Variants in SLC25A53 observed in about 807,000 individuals in gnomAD.
SLC25A53 encodes mitochondrial carrier triple repeat protein 6.
SLC25A53 carries 5 observed loss-of-function variants against 15.0 expected under a neutral mutation model. The observed-to-expected ratio is 0.33, with a 90% confidence interval of 0.17 to 0.70. The LOEUF is 0.70. Ranked by LOEUF, SLC25A53 falls within the 30% of genes least tolerant of loss-of-function variation. The pLI is 0.67. For missense variants in SLC25A53, 216 were observed against 241.6 expected, an observed-to-expected ratio of 0.89 and a Z score of 0.70; for synonymous variants, 95 against 100.0, an observed-to-expected ratio of 0.95 and a Z score of 0.30.
intron 1 of SLC25A53, among the ~76,000 whole-genome samples, chrX:104,129,280 A>G (rs887002707): frequency 9.0e-6 from 1 of 111,511 alleles, no homozygotes; most frequent in African/African-American, 3.3e-5. Flanking sequence ...AGCCTTTCCT[A>G]TTCCTTTTTC....
chrX:104,144,432 A>C (rs1414124152), intron 1 of SLC25A53, among the ~76,000 whole-genome samples: 2 of 111,421 alleles, frequency 1.8e-5, no homozygotes, highest in Non-Finnish European at 3.8e-5. Flanking sequence ...AAGCAAAAAA[A>C]AGCAGGGGTT....
chrX:104,154,382 G>A (rs1556370998), intron 1 of SLC25A53, among the ~76,000 whole-genome samples: 1 of 112,237 alleles, frequency 8.9e-6, no homozygotes, highest in African/African-American at 3.2e-5. Flanking sequence ...CATTGTTGGT[G>A]GGAATATAAA....
chrX:104,136,920 A>T (rs943682328), intron 1 of SLC25A53, among the ~76,000 whole-genome samples: 3 of 112,170 alleles, frequency 2.7e-5, no homozygotes, highest in Admixed American at 9.5e-5. Flanking sequence ...CCATGTAAAG[A>T]ATTAAACATG....
intron 1 of SLC25A53, among the ~76,000 whole-genome samples, chrX:104,144,581 C>T (rs782819033): frequency 3.0e-4 from 34 of 111,679 alleles, no homozygotes; most frequent in African/African-American, 1.0e-3. Context: ...TGTTCCTATT[C>T]GGCCATCTTG....
intron 1 of SLC25A53, among the ~76,000 whole-genome samples, chrX:104,126,181 T>C (rs782682424): frequency 4.7e-4 from 52 of 110,724 alleles, no homozygotes; most frequent in Non-Finnish European, 8.3e-4. Flanking sequence ...TGGTGGCACA[T>C]GCCTGCAGTC....
In SLC25A53 at chrX:104,103,514, G is replaced by A. The variant is rs2075290648; in HGVS notation, c.*820C>T. On this transcript the variant is annotated 3_prime_UTR_variant, in exon 2 of 2. Transcript: ENST00000594199. ...ACATTTAACCACATCAACAAAATAT[G>A]CAATTTTCTGTGAAGAGATATGGTC... 9.0e-6 allele frequency: 1 copy of A among 111,618 alleles called. No individual in the cohort carries two copies. Among genetic ancestry groups the A allele is most frequent in the Non-Finnish European group, 1.9e-5 (1 of 53,204 alleles). The allele number at this position is 111,618 out of a possible 1,213,427, so 9.2% of individuals were successfully genotyped here. A position where few individuals can be genotyped will look rare whatever the true frequency, so the allele number is the denominator to read the frequency against.
chrX:104,138,570 A>G (rs782028072), intron 1 of SLC25A53, among the ~76,000 whole-genome samples: 8 of 112,663 alleles, frequency 7.1e-5, no homozygotes, highest in African/African-American at 9.7e-5. Context: ...TGTTAGCTCA[A>G]TTCGACCCCT....
At chrX:104,106,305 GA>G (rs782131146) in intron 1 of SLC25A53, among the ~76,000 whole-genome samples, 31 of 110,764 alleles carry the variant, frequency 2.8e-4, no homozygotes, top group Non-Finnish European at 4.4e-4. Flanking sequence ...GGGATCTAAA[GA>G]AAAAAAATGA....
rs1291634645 is a variant in SLC25A53, at chrX:104,154,634, T to A, written c.-32+2244A>T. Among the ~76,000 whole-genome samples, 4 of 112,382 alleles carry A rather than the reference T, an allele frequency of 3.6e-5. No homozygotes were observed. The Admixed American group carries it at 3.8e-4, about 11-fold the overall frequency. On this transcript the variant is annotated intron_variant, in intron 1 of 1. Coordinates refer to ENST00000594199, the MANE Select transcript of SLC25A53 (RefSeq NM_001012755.5). ...AAGCAAATGTGCTATACATACACAA[T>A]GAAATATTATTCAGTCTTCAAAAAT...
chrX:104,147,784 TA>T (rs1385575000), intron 1 of SLC25A53, among the ~76,000 whole-genome samples: 1 of 110,404 alleles, frequency 9.1e-6, no homozygotes, highest in Non-Finnish European at 1.9e-5. Context: ...TAGCAATCAT[TA>T]AAAAGTCAGG....
intron 1 of SLC25A53, among the ~76,000 whole-genome samples, chrX:104,146,150 A>G (rs1348592312): frequency 8.9e-6 from 1 of 112,231 alleles, no homozygotes; most frequent in Non-Finnish European, 1.9e-5. Flanking sequence ...AGGCTGGTTC[A>G]CCATATGCAA....
intron 1 of SLC25A53, among the ~76,000 whole-genome samples, chrX:104,132,057 G>A (rs1358975045): frequency 8.9e-6 from 1 of 112,227 alleles, no homozygotes; most frequent in Non-Finnish European, 1.9e-5. Flanking sequence ...TAAAAAGCTT[G>A]TCAATTTATC....
At chrX:104,155,649 T>C (rs1252330284) in intron 1 of SLC25A53, among the ~76,000 whole-genome samples, 1 of 111,497 alleles carries the variant, frequency 9.0e-6, no homozygotes, top group Non-Finnish European at 1.9e-5. Context: ...TCCATCGTAG[T>C]CCTACCCAGA....
intron 1 of SLC25A53, among the ~76,000 whole-genome samples, chrX:104,119,098 A>G (rs782129920): frequency 2.7e-5 from 3 of 111,899 alleles, no homozygotes. Flanking sequence ...TGAGTGGAGG[A>G]GAGATAAATT....
At chrX:104,127,585 G>C (rs1292419710) in intron 1 of SLC25A53, among the ~76,000 whole-genome samples, 1 of 112,059 alleles carries the variant, frequency 8.9e-6, no homozygotes, top group Non-Finnish European at 1.9e-5. Flanking sequence ...CACCGTTAGA[G>C]GAAGCGTGGT....
chrX:104,154,231 G>C (rs1328924802), intron 1 of SLC25A53, among the ~76,000 whole-genome samples: 3 of 112,117 alleles, frequency 2.7e-5, no homozygotes, highest in African/African-American at 9.7e-5. Context: ...ACAGGCATAA[G>C]AAAAAATGCT....
intron 1 of SLC25A53, among the ~76,000 whole-genome samples, chrX:104,156,420 A>G (rs185233632): frequency 1.8e-5 from 2 of 111,553 alleles, no homozygotes; most frequent in African/African-American, 6.5e-5. Flanking sequence ...CCTCTAGTGC[A>G]GTACCCAGCA....
rs1268709307 is a variant in SLC25A53 at position 104,102,974 on chromosome X, C to T, written c.*1360G>A. The T allele has an allele frequency of 2.7e-5, 3 of 110,013 alleles. No individual in the cohort carries two copies. Among genetic ancestry groups the T allele is most frequent in the East Asian group, 5.7e-4 (2 of 3,513 alleles). 9.1% of individuals were successfully genotyped at this position (110,013 alleles called of 1,213,427 possible). ...CCAACATGGAGAGACCCCATCTCTA[C>T]TAAAAATACAAAATTAGCCAGGCAT... On this transcript the variant is annotated 3_prime_UTR_variant, in exon 2 of 2. Transcript: ENST00000594199.
At chrX:104,135,356 A>C (rs1217482799) in intron 1 of SLC25A53, among the ~76,000 whole-genome samples, 3 of 109,121 alleles carry the variant, frequency 2.7e-5, no homozygotes, top group African/African-American at 1.0e-4. Flanking sequence ...ACACATCCTG[A>C]TATATCACAC....
Sources: allele counts gnomAD v4.1 joint callset (sites outside exome capture counted in the v4.1 genomes callset), GRCh38; gene constraint gnomAD v4.1.1; transcripts MANE v1.5; gene names NCBI Gene and HGNC (gene_info 2026-07-23, HGNC 2026-07-21).